RPH3A: variants seen among roughly 807,000 people sequenced by gnomAD.
RPH3A encodes the protein rabphilin 3A.
Under a neutral mutation model 102.2 loss-of-function variants are expected in RPH3A, and 48 were observed. The observed-to-expected ratio is 0.47, with a 90% CI of 0.37 to 0.60. The LOEUF (loss-of-function observed/expected upper bound fraction) is 0.60, where lower values mean the gene tolerates loss of function less well. RPH3A is among the 20% of genes least tolerant of loss of function. RPH3A has a pLI of 0.00. For missense variants in RPH3A, 781 were observed against 910.1 expected (o/e 0.86, Z 1.83); for synonymous variants, 310 against 324.3 (o/e 0.96, Z 0.47).
chr12:112,799,131 A>G (rs2041292105), intron 2 of RPH3A, among the ~76,000 whole-genome samples: 1 of 139,104 alleles, frequency 7.2e-6, no homozygotes. Context: ...CGCACTTGTA[A>G]ATCCCTGCAC....
In RPH3A at chr12:112,828,400, G is replaced by A; in HGVS notation, c.71+11G>A. ...GCCCCTTCAATCAAAGTAAGTTGCT[G>A]CATCTTCCTGGGAGTGGCTTGTTTT... is the stretch of plus-strand genomic sequence containing the variant. On this transcript the variant is annotated intron_variant, in intron 3 of 21. Transcript: ENST00000389385. 6.3e-7 allele frequency: 1 copy of A among 1,597,442 alleles called. No individual in the cohort carries two copies. The highest frequency in any genetic ancestry group is 1.1e-5 in the South Asian group (1 of 88,342).
At chr12:112,739,241 T>C (rs2040690839) in intron 1 of RPH3A, among the ~76,000 whole-genome samples, 1 of 152,236 alleles carries the variant, frequency 6.6e-6, no homozygotes, top group Non-Finnish European at 1.5e-5. Flanking sequence ...TACATAATGT[T>C]GTTGATGGCA....
chr12:112,795,919 C>A (rs1353406292), intron 2 of RPH3A, among the ~76,000 whole-genome samples: 2 of 152,146 alleles, frequency 1.3e-5, no homozygotes, highest in Admixed American at 1.3e-4. Context: ...TGAAATCACC[C>A]CTGACCAAAA....
intron 1 of RPH3A, among the ~76,000 whole-genome samples, chr12:112,592,504 A>C (rs2039486445): frequency 6.6e-6 from 1 of 152,100 alleles, no homozygotes; most frequent in African/African-American, 2.4e-5. Context: ...TTTTTAGTAG[A>C]GATGGGGTTT....
chr12:112,745,416 T>C (rs1438912960), intron 1 of RPH3A, among the ~76,000 whole-genome samples: 2 of 152,236 alleles, frequency 1.3e-5, no homozygotes, highest in Non-Finnish European at 1.5e-5. Context: ...CTTTCACTCA[T>C]TGGTTTTAGC....
intron 1 of RPH3A, among the ~76,000 whole-genome samples, chr12:112,672,936 G>A (rs1281971740): frequency 6.6e-6 from 1 of 152,144 alleles, no homozygotes; most frequent in African/African-American, 2.4e-5. Flanking sequence ...CCCCAAGTCA[G>A]CCCTCAATAC....
At chr12:112,642,336 A>G (rs995509668) in intron 1 of RPH3A, among the ~76,000 whole-genome samples, 9 of 152,304 alleles carry the variant, frequency 5.9e-5, no homozygotes, top group Non-Finnish European at 1.2e-4. Flanking sequence ...TAAATTGTGC[A>G]AAGTCATACA....
rs2136052586 is a variant in RPH3A, at chr12:112,737,614, C to G, written c.-139-54529C>G. On this transcript the variant is annotated intron_variant, in intron 1 of 21. Transcript: ENST00000543106. ...TAGTTGATCCTGCAGTTTTTTTCCC[C>G]TCTGAGCCATAGACTCCTCCTCCAG... is the stretch of plus-strand genomic sequence containing the variant. 2.0e-5 allele frequency among the ~76,000 whole-genome samples: 3 copies of G among 152,206 alleles called. 1 individual carries two copies. The Middle Eastern group carries it at 0.01, about 518-fold the overall frequency.
intron 1 of RPH3A, among the ~76,000 whole-genome samples, chr12:112,682,367 T>C (rs2040233541): frequency 6.6e-6 from 1 of 151,142 alleles, no homozygotes; most frequent in Non-Finnish European, 1.5e-5. Context: ...TTTTTTTTTT[T>C]TTTTCTGTTC....
intron 15 of RPH3A, among the ~76,000 whole-genome samples, chr12:112,882,680 T>G (rs2042934956): frequency 6.6e-6 from 1 of 152,230 alleles, no homozygotes; most frequent in African/African-American, 2.4e-5. Context: ...GTTTGGCCCC[T>G]GCTCCTCCTC....
At chr12:112,870,786 C>T (rs1176311712) in intron 10 of RPH3A, among the ~76,000 whole-genome samples, 1 of 152,176 alleles carries the variant, frequency 6.6e-6, no homozygotes, top group Non-Finnish European at 1.5e-5. Context: ...TGGGCACGTA[C>T]CTTGTGCTTC....
chr12:112,828,472 T>G, intron 3 of RPH3A, 83 bp downstream of exon 3: 21 of 987,814 alleles, frequency 2.1e-5, no homozygotes, highest in Middle Eastern at 2.1e-4. Flanking sequence ...AAAGAAGGAA[T>G]AGCTTCCTTC....
At chr12:112,876,453 CA>C (rs1348746476) in intron 12 of RPH3A, among the ~76,000 whole-genome samples, 188 bp from the exon 13 acceptor site, 1 of 152,188 alleles carries the variant, frequency 6.6e-6, no homozygotes, top group African/African-American at 2.4e-5. Context: ...TGTACCCCCA[CA>C]AGGTCTGTTT....
At chr12:112,648,043 T>C (rs1050620655) in intron 1 of RPH3A, among the ~76,000 whole-genome samples, 1 of 152,200 alleles carries the variant, frequency 6.6e-6, no homozygotes, top group African/African-American at 2.4e-5. Context: ...TTTTCTTCTA[T>C]GTTGAAAGGA....
intron 1 of RPH3A, among the ~76,000 whole-genome samples, chr12:112,700,429 T>C (rs1162813326): frequency 6.6e-6 from 1 of 152,188 alleles, no homozygotes; most frequent in Non-Finnish European, 1.5e-5. Context: ...CCACCCACTA[T>C]ATCTTCACTC....
At chr12:112,665,342 C>A (rs1198423044) in intron 1 of RPH3A, among the ~76,000 whole-genome samples, 1 of 152,164 alleles carries the variant, frequency 6.6e-6, no homozygotes, top group Non-Finnish European at 1.5e-5. Flanking sequence ...GACTTAGAAA[C>A]AATCCAACCC....
chr12:112,693,037 G>A (rs773305437), intron 1 of RPH3A, among the ~76,000 whole-genome samples: 1 of 152,196 alleles, frequency 6.6e-6, no homozygotes, highest in African/African-American at 2.4e-5. Context: ...CATTCAGCTA[G>A]GTTTCTATTC....
At chr12:112,637,274 A>G (rs531515159) in intron 1 of RPH3A, among the ~76,000 whole-genome samples, 1 of 152,296 alleles carries the variant, frequency 6.6e-6, no homozygotes, top group East Asian at 1.9e-4. Flanking sequence ...TTAAATATAT[A>G]CTTTATGCTT....
chr12:112,842,128 C>T (rs1363570303), intron 4 of RPH3A, among the ~76,000 whole-genome samples: 1 of 152,218 alleles, frequency 6.6e-6, no homozygotes, highest in Admixed American at 6.5e-5. Flanking sequence ...GTCTTCCCTA[C>T]TCTTCCCTAT....
Sources: gnomAD v4.1 joint callset for allele counts (sites outside exome capture counted in the v4.1 genomes callset) on GRCh38, gnomAD v4.1.1 for gene constraint, MANE v1.5 for transcripts, NCBI Gene and HGNC (gene_info 2026-07-23, HGNC 2026-07-21) for gene names.